The following GOLT1A variants were observed in gnomAD, a reference collection of about 807,000 sequenced individuals.
GOLT1A encodes the protein golgi transport 1A, also known as vesicle transport protein GOT1A.
In GOLT1A, 10 loss-of-function variants were observed where a neutral mutation model predicts 16.1. That is an observed-to-expected ratio of 0.62 (90% confidence interval 0.38 to 1.05). The LOEUF (loss-of-function observed/expected upper bound fraction) is 1.05, where lower values mean the gene tolerates loss of function less well. Ranked by LOEUF, GOLT1A falls within the 50% of genes least tolerant of loss-of-function variation. The probability of loss-of-function intolerance (pLI) is 0.01; values close to 1 mark genes in which losing one functional copy is unlikely to be tolerated. For synonymous variants in GOLT1A, 60 were observed against 67.9 expected (o/e 0.88, Z 0.57); for missense variants, 137 against 165.7 (o/e 0.83, Z 0.95).
At chr1:204,211,540 C>T (rs1030289198) in intron 1 of GOLT1A, among the ~76,000 whole-genome samples, 2 of 152,222 alleles carry the variant, frequency 1.3e-5, no homozygotes, top group Admixed American at 6.5e-5. Context: ...GAAAGCTGGT[C>T]CACTCTCTTC....
Position 204,211,430 on chromosome 1 carries a change from G to A in GOLT1A, c.25+2452C>T, listed in dbSNP as rs180964874. Among the ~76,000 whole-genome samples, 89 of 152,258 alleles carry A rather than the reference G, an allele frequency of 5.8e-4. No homozygotes were observed. The South Asian group carries it at 0.018, about 31-fold the overall frequency. On this transcript the variant is annotated intron_variant, in intron 1 of 4. Transcript: ENST00000308302. ...TGAGCCCTCTTGACTCAGGGCCTTC[G>A]TACATGCAGTTTCCTGGTCTGCAAC...
intron 1 of GOLT1A, among the ~76,000 whole-genome samples, chr1:204,210,971 C>T (rs1484044459): frequency 6.6e-6 from 1 of 152,040 alleles, no homozygotes; most frequent in Non-Finnish European, 1.5e-5. Flanking sequence ...CCGCCCACCC[C>T]ACCACTTAAC....
At chr1:204,205,035 TAGG>T in intron 1 of GOLT1A, among the ~76,000 whole-genome samples, 1 of 152,358 alleles carries the variant, frequency 6.6e-6, no homozygotes. Context: ...TGTTGAGTTG[TAGG>T]AGTTCTTTAT....
intron 1 of GOLT1A, among the ~76,000 whole-genome samples, chr1:204,204,413 A>G (rs951756077): frequency 2.6e-5 from 4 of 152,122 alleles, no homozygotes; most frequent in African/African-American, 9.7e-5. Flanking sequence ...TCTTTTTGTG[A>G]CTGTCTTATT....
intron 1 of GOLT1A, among the ~76,000 whole-genome samples, chr1:204,206,288 T>A (rs890554155): frequency 4.6e-5 from 7 of 152,218 alleles, no homozygotes; most frequent in African/African-American, 1.7e-4. Context: ...TTCCTTGTGT[T>A]CCTGACAAGC....
rs139644560 is a variant in GOLT1A, at chr1:204,199,201, C to T, written c.354G>A (p.Leu118=). Residue 118 remains leucine (L), a synonymous_variant, in exon 4 of 5, where the codon CTG becomes CTA. Coordinates refer to ENST00000308302, the MANE Select transcript of GOLT1A (RefSeq NM_198447.2). ...GCAGGCATCATCTGCTTACCGCACC[C>T]AGGAAGGGGATGTTGCAGACATTGC... The part of the protein sequence containing the change: ...FLGNVCNIPF[L]GALFRRLQGT... 1.9e-6 allele frequency: 3 copies of T among 1,597,990 alleles called. No homozygotes were observed. The highest frequency in any genetic ancestry group is 2.7e-5 in the African/African-American group (2 of 74,836).
intron 1 of GOLT1A, among the ~76,000 whole-genome samples, chr1:204,213,613 G>A (rs1435508480): frequency 6.6e-6 from 1 of 152,224 alleles, no homozygotes. Flanking sequence ...AACCCGGGAT[G>A]GGAAAGGGGT....
intron 3 of GOLT1A, among the ~76,000 whole-genome samples, chr1:204,200,490 AT>A (rs370678531): frequency 1.3e-5 from 2 of 148,800 alleles, no homozygotes; most frequent in African/African-American, 2.5e-5. Flanking sequence ...AGCCTGGCTA[AT>A]TTTTTTTTGT....
intron 1 of GOLT1A, among the ~76,000 whole-genome samples, chr1:204,204,885 A>AT (rs111580068): frequency 0.025 from 3,775 of 152,322 alleles, 157 homozygotes; most frequent in African/African-American, 0.087. Context: ...GGTAGTATAC[A>AT]TTGTGGTTTT....
At position 204,200,299 on chromosome 1, in the gene GOLT1A, G is replaced by GTGTATATATATATATATATA; in HGVS notation, c.297-1042_297-1041insTATATATATATATATATACA. ...GACTGTTTGAAAATGACATATATGT[G>GTGTATATATATATATATATA]TATATATATATATATATATATGTTT... On this transcript the variant is annotated intron_variant, in intron 3 of 4. Coordinates refer to ENST00000308302, the MANE Select transcript of GOLT1A (RefSeq NM_198447.2). Among the ~76,000 whole-genome samples the GTGTATATATATATATATATA allele has an allele frequency of 1.9e-3, 154 of 82,616 alleles. 3 individuals carry two copies. Among genetic ancestry groups the GTGTATATATATATATATATA allele is most frequent in the East Asian group, 3.2e-3 (8 of 2,486 alleles). The allele number at this position is 82,616 out of a possible 152,430, so 54.2% of individuals were successfully genotyped here.
At chr1:204,200,491 T>A (rs926329729) in intron 3 of GOLT1A, among the ~76,000 whole-genome samples, 2 of 143,754 alleles carry the variant, frequency 1.4e-5, no homozygotes, top group Non-Finnish European at 3.0e-5. Context: ...GCCTGGCTAA[T>A]TTTTTTTTGT....
chr1:204,207,971 C>T (rs568675398), intron 1 of GOLT1A, among the ~76,000 whole-genome samples: 4 of 152,272 alleles, frequency 2.6e-5, no homozygotes, highest in African/African-American at 9.6e-5. Flanking sequence ...CTTACTCCTG[C>T]AAGAATGGCC....
In GOLT1A at chr1:204,213,934, G is replaced by T. The variant is rs1310262592; in HGVS notation, c.-28C>A. ...CGCACTCAGCCTGGGGGGCTTTCCG[G>T]GTGGAAGCGGGCAAGTGGAGCGTGG... is the stretch of plus-strand genomic sequence containing the variant. On this transcript the variant is annotated 5_prime_UTR_variant, in exon 1 of 5. Transcript: ENST00000308302. 4 of 1,611,230 alleles carry T rather than the reference G, an allele frequency of 2.5e-6. No individual in the cohort carries two copies. The highest frequency in any genetic ancestry group is 2.5e-6 in the Non-Finnish European group (3 of 1,179,048).
chr1:204,208,319 T>G (rs1246328852), intron 1 of GOLT1A, among the ~76,000 whole-genome samples: 1 of 148,888 alleles, frequency 6.7e-6, no homozygotes, highest in Non-Finnish European at 1.5e-5. Flanking sequence ...TACACACACA[T>G]ATACATATAT....
intron 1 of GOLT1A, among the ~76,000 whole-genome samples, chr1:204,204,708 G>A (rs978079585): frequency 6.6e-6 from 1 of 152,116 alleles, no homozygotes; most frequent in Non-Finnish European, 1.5e-5. Flanking sequence ...TGGATCACAT[G>A]GTAATTCTAT....
At chr1:204,208,493 TATATATATAAAA>T (rs1436673043) in intron 1 of GOLT1A, among the ~76,000 whole-genome samples, 12 of 90,116 alleles carry the variant, frequency 1.3e-4, no homozygotes, top group South Asian at 9.1e-4. Context: ...TATATATATA[TATATATATAAAA>T]AATGAACTAC....
chr1:204,198,193 CT>C lies in GOLT1A; in HGVS notation c.*264del. On this transcript the variant is annotated 3_prime_UTR_variant, in exon 5 of 5. Transcript: ENST00000308302. ...GCACAACTTGGGAATTTAATCTTCA[CT>C]TTTCCTCCCATAAATATAGAGTGAG... 1 of 452,388 alleles carries C rather than the reference CT, an allele frequency of 2.2e-6. No homozygotes were observed. Among genetic ancestry groups the C allele is most frequent in the Non-Finnish European group, 3.9e-6 (1 of 255,372 alleles). 28.0% of individuals were successfully genotyped at this position (452,388 alleles called of 1,614,324 possible). A position where few individuals can be genotyped will look rare whatever the true frequency, so the allele number is the denominator to read the frequency against.
chr1:204,199,027 G>A (rs1249609597), intron 4 of GOLT1A, 168 bp downstream of exon 4: 4 of 613,196 alleles, frequency 6.5e-6, no homozygotes, highest in Admixed American at 2.9e-5. Context: ...AAATGGAGAA[G>A]GTGCGGGGGG....
chr1:204,202,052 AC>A (rs1427844901), intron 2 of GOLT1A, among the ~76,000 whole-genome samples: 1 of 152,080 alleles, frequency 6.6e-6, no homozygotes, highest in Non-Finnish European at 1.5e-5. Flanking sequence ...CTAGTTGCCT[AC>A]CCAATTCCCT....
Sources: gnomAD v4.1 joint callset for allele counts (sites outside exome capture counted in the v4.1 genomes callset) on GRCh38, gnomAD v4.1.1 for gene constraint, MANE v1.5 for transcripts, NCBI Gene and HGNC (gene_info 2026-07-23, HGNC 2026-07-21) for gene names.